Variants in ACTR3C observed in about 807,000 individuals in gnomAD.
ACTR3C encodes the protein actin-related protein 3C.
In ACTR3C, 18 loss-of-function variants were observed where a neutral mutation model predicts 26.3. The ratio of observed to expected loss-of-function variants is 0.68; its 90% CI spans 0.47 to 1.01. ACTR3C has a LOEUF of 1.01. Ranked by LOEUF, ACTR3C falls within the 50% of genes least tolerant of loss-of-function variation. ACTR3C has a pLI of 0.00. For missense variants in ACTR3C, 184 were observed against 250.7 expected (o/e 0.73, Z 1.80); for synonymous variants, 55 against 94.5 (o/e 0.58, Z 2.42).
intron 1 of ACTR3C, among the ~76,000 whole-genome samples, chr7:150,306,571 G>T (rs1268428817): frequency 2.0e-5 from 3 of 152,220 alleles, no homozygotes; most frequent in African/African-American, 7.2e-5. Flanking sequence ...TGTGGGCCGG[G>T]TATGGTGGCT....
At chr7:149,963,897 G>A in the ACTR3C span, among the ~76,000 whole-genome samples, 2 of 152,192 alleles carry the variant, frequency 1.3e-5, no homozygotes, top group African/African-American at 2.4e-5. Context: ...GAATGTTTAT[G>A]TATATCACTG....
the ACTR3C span, among the ~76,000 whole-genome samples, chr7:150,137,467 C>A: frequency 6.6e-6 from 1 of 152,200 alleles, no homozygotes; most frequent in Non-Finnish European, 1.5e-5. Flanking sequence ...ACTCAACTCC[C>A]CTACCCTTGG....
At chr7:150,069,538 T>C in the ACTR3C span, among the ~76,000 whole-genome samples, 1 of 152,230 alleles carries the variant, frequency 6.6e-6, no homozygotes, top group South Asian at 2.1e-4. Context: ...GAAGAAGGGA[T>C]TGTATTCACC....
At chr7:150,065,513 T>A in the ACTR3C span, among the ~76,000 whole-genome samples, 1 of 152,204 alleles carries the variant, frequency 6.6e-6, no homozygotes, top group Non-Finnish European at 1.5e-5. Context: ...ACCCCAATGA[T>A]CAGCTAGTGA....
chr7:150,041,692 T>C, the ACTR3C span, among the ~76,000 whole-genome samples: 1 of 115,824 alleles, frequency 8.6e-6, no homozygotes, highest in African/African-American at 3.4e-5. Flanking sequence ...GGGATAACTC[T>C]CAGTCCCCAC....
the ACTR3C span, among the ~76,000 whole-genome samples, chr7:150,164,113 G>C: frequency 6.6e-6 from 1 of 152,072 alleles, no homozygotes; most frequent in African/African-American, 2.4e-5. Flanking sequence ...GAGAAGGGGA[G>C]AGATGCGGGC....
the ACTR3C span, among the ~76,000 whole-genome samples, chr7:150,114,157 G>A: frequency 2.6e-5 from 4 of 152,106 alleles, no homozygotes; most frequent in East Asian, 1.9e-4. Flanking sequence ...GTTCACCAAC[G>A]ATTCCTGCTA....
the ACTR3C span, among the ~76,000 whole-genome samples, chr7:150,116,539 T>C: frequency 1.3e-5 from 2 of 152,256 alleles, no homozygotes; most frequent in South Asian, 4.1e-4. Flanking sequence ...AATTACTGCA[T>C]AATTTCTGAA....
At chr7:150,297,594 G>A (rs1239503352) in intron 1 of ACTR3C, among the ~76,000 whole-genome samples, 10 of 152,246 alleles carry the variant, frequency 6.6e-5, no homozygotes, top group Admixed American at 5.9e-4. Flanking sequence ...GCTCATGCCT[G>A]TAATCCCAGC....
the ACTR3C span, among the ~76,000 whole-genome samples, chr7:150,095,870 A>T: frequency 1.3e-5 from 2 of 150,608 alleles, no homozygotes; most frequent in African/African-American, 5.0e-5. Flanking sequence ...ACAAATGAAA[A>T]GTTAAACAAA....
chr7:149,896,812 C>T, the ACTR3C span, among the ~76,000 whole-genome samples: 1 of 151,970 alleles, frequency 6.6e-6, no homozygotes, highest in African/African-American at 2.4e-5. Context: ...GTAATCCCAG[C>T]ACTTTAGGAG....
the ACTR3C span, among the ~76,000 whole-genome samples, chr7:150,049,499 TC>T: frequency 6.6e-6 from 1 of 152,236 alleles, no homozygotes; most frequent in Non-Finnish European, 1.5e-5. Flanking sequence ...GGCTCCCTGC[TC>T]CTTCCGGGTT....
chr7:150,162,234 A>G, the ACTR3C span, among the ~76,000 whole-genome samples: 2 of 152,212 alleles, frequency 1.3e-5, no homozygotes, highest in Non-Finnish European at 2.9e-5. Context: ...CTTCTGAATC[A>G]CATTTCAACA....
chr7:150,194,740 G>T, the ACTR3C span, among the ~76,000 whole-genome samples: 2 of 151,428 alleles, frequency 1.3e-5, no homozygotes, highest in African/African-American at 4.9e-5. Flanking sequence ...CATTTTATTG[G>T]TGGTTGCCCT....
At chr7:150,307,724 C>T (rs964922788) in intron 1 of ACTR3C, among the ~76,000 whole-genome samples, 37 of 152,172 alleles carry the variant, frequency 2.4e-4, no homozygotes, top group African/African-American at 6.0e-4. Flanking sequence ...TGACTTGGTT[C>T]GGGGGACCTC....
the ACTR3C span, among the ~76,000 whole-genome samples, chr7:149,948,765 T>A: frequency 6.6e-6 from 1 of 151,960 alleles, no homozygotes; most frequent in Non-Finnish European, 1.5e-5. Flanking sequence ...CATGGCTCAC[T>A]AAAATTTCAT....
the ACTR3C span, among the ~76,000 whole-genome samples, chr7:150,142,423 C>A: frequency 4.6e-5 from 7 of 152,286 alleles, no homozygotes; most frequent in African/African-American, 2.4e-5. Context: ...CACTTACAAG[C>A]GCACTCCCCC....
chr7:149,944,511 C>T, the ACTR3C span, among the ~76,000 whole-genome samples: 1 of 151,484 alleles, frequency 6.6e-6, no homozygotes, highest in Non-Finnish European at 1.5e-5. Context: ...AAGAGTCAGG[C>T]TGGGAGACAG....
intron 4 of ACTR3C, among the ~76,000 whole-genome samples, chr7:150,287,034 C>T (rs1267394573): frequency 6.6e-6 from 1 of 152,166 alleles, no homozygotes; most frequent in African/African-American, 2.4e-5. Flanking sequence ...AGCCGGGTGG[C>T]CACTGTCAAC....
Sources: gnomAD v4.1 joint callset for allele counts (sites outside exome capture counted in the v4.1 genomes callset) on GRCh38, gnomAD v4.1.1 for gene constraint, MANE v1.5 for transcripts, NCBI Gene and HGNC (gene_info 2026-07-23, HGNC 2026-07-21) for gene names.